The following FBN3 variants were observed in gnomAD, a reference collection of about 807,000 sequenced individuals.
FBN3 encodes the protein fibrillin-3.
FBN3 carries 234 observed loss-of-function variants against 330.1 expected under a neutral mutation model. The observed-to-expected ratio is 0.71, with a 90% CI of 0.64 to 0.79. FBN3 has a LOEUF of 0.79. Among genes scored for constraint, FBN3 ranks in the 30% least tolerant of loss-of-function variants. The probability of loss-of-function intolerance (pLI) is 0.00; values close to 1 mark genes in which losing one functional copy is unlikely to be tolerated. For missense variants in FBN3, 3,606 were observed against 3,886.9 expected, an observed-to-expected ratio of 0.93 and a Z score of 1.92; for synonymous variants, 1,458 against 1,517.3, an observed-to-expected ratio of 0.96 and a Z score of 0.91.
Position 8,147,362 on chromosome 19 carries a change from G to A in FBN3, c.119C>T (p.Ala40Val), listed in dbSNP as rs896678286. The change falls in exon 2 of 64, where the codon GCA (alanine) becomes GTA (valine). Residue 40 changes from alanine to valine, a missense_variant. Coordinates refer to ENST00000600128, the MANE Select transcript of FBN3 (RefSeq NM_032447.5). Reference sequence around the variant, plus strand: ...CCGCCTCCGCACACGTCCAGGACCTGCAGCCTCCAAGGCCCCGTCCCAGCG... The same window carrying A: ...CCGCCTCCGCACACGTCCAGGACCTACAGCCTCCAAGGCCCCGTCCCAGCG... ...QGRWDGALEA[A>V]GPGRVRRRGS... The A allele has an allele frequency of 1.2e-6, 2 of 1,602,028 alleles. No individual in the cohort carries two copies. The highest frequency in any genetic ancestry group is 2.2e-5 in the East Asian group (1 of 44,462).
At chr19:8,080,322 C>T (rs1487662602) in intron 59 of FBN3, among the ~76,000 whole-genome samples, 1 of 152,218 alleles carries the variant, frequency 6.6e-6, no homozygotes, top group Admixed American at 6.5e-5. Context: ...GGCCACGAGA[C>T]ACTAAGAAAC....
chr19:8,138,255 G>A lies in FBN3; in HGVS notation c.1087C>T (p.Leu363Phe). The A allele has an allele frequency of 1.2e-6, 2 of 1,612,064 alleles. No individual in the cohort carries two copies. The highest frequency in any genetic ancestry group is 1.1e-5 in the South Asian group (1 of 90,876). ...ATGCCATTGGATCCGAAGCCCAGGAGGCCAGGGAAGAGGCCAGGGTGGCCG... is the reference window on the plus strand; with the variant it reads ...ATGCCATTGGATCCGAAGCCCAGGAAGCCAGGGAAGAGGCCAGGGTGGCCG... The part of the protein sequence containing the change: ...LPGHPGLFPG[L>F]LGFGSNGMGP... Residue 363 changes from leucine to phenylalanine, a missense_variant, in exon 10 of 64, where the codon CTC (leucine) becomes TTC (phenylalanine). Transcript: ENST00000600128.
intron 52 of FBN3, 44 bp downstream of exon 52, chr19:8,088,016 C>A (rs760682292): frequency 6.2e-7 from 1 of 1,614,142 alleles, no homozygotes; most frequent in East Asian, 2.2e-5. Flanking sequence ...CTCCCCCAGG[C>A]ATCTCCGTCA....
Position 8,111,181 on chromosome 19 carries a change from T to C in FBN3, c.4087A>G (p.Arg1363Gly), listed in dbSNP as rs770842848. 7 of 1,592,564 alleles carry C rather than the reference T, an allele frequency of 4.4e-6. No individual in the cohort carries two copies. In the Admixed American group the frequency reaches 1.2e-4, roughly 27 times the overall value. ...FAGDGFFCEDRDECAENVDLC... is the reference protein window; with the variant it reads ...FAGDGFFCEDGDECAENVDLC... Reference sequence around the variant, plus strand: ...TCCACGTTCTCGGCACATTCATCCCTGTCTGAGGGGCCCCAAGATTCGGAG... The same window carrying C: ...TCCACGTTCTCGGCACATTCATCCCCGTCTGAGGGGCCCCAAGATTCGGAG... Residue 1363 changes from arginine to glycine, a missense_variant and splice_region_variant, in exon 33 of 64, where the codon AGG becomes GGG. Physicochemically the swap from Arg to Gly is moderately radical, Grantham distance 125. Coordinates refer to ENST00000600128, the MANE Select transcript of FBN3 (RefSeq NM_032447.5).
In FBN3 at chr19:8,111,375, C is replaced by G. The variant is rs187310551; in HGVS notation, c.4085-192G>C. 1.8e-4 allele frequency among the ~76,000 whole-genome samples: 28 copies of G among 152,124 alleles called. No homozygotes were observed. The East Asian group carries it at 5.4e-3, about 29-fold the overall frequency. ...CAGGGACAGGGAGGGGAGAGGTGGT[C>G]TGGACTCTTGGACTCCAGAGAGGGG... is the stretch of plus-strand genomic sequence containing the variant. On this transcript the variant is annotated intron_variant, in intron 32 of 63. Coordinates refer to ENST00000600128, the MANE Select transcript of FBN3 (RefSeq NM_032447.5).
At chr19:8,114,401 C>T (rs1450409373) in intron 30 of FBN3, among the ~76,000 whole-genome samples, 3 of 151,970 alleles carry the variant, frequency 2.0e-5, no homozygotes, top group Admixed American at 1.3e-4. Flanking sequence ...AGGCGTGCGC[C>T]ACCACGCCCA....
chr19:8,069,705 C>G (rs2081471799), intron 63 of FBN3, among the ~76,000 whole-genome samples: 1 of 152,188 alleles, frequency 6.6e-6, no homozygotes, highest in African/African-American at 2.4e-5. Context: ...CCCGCCTCAG[C>G]CTCCCAAGTA....
intron 49 of FBN3, 68 bp from the exon 50 acceptor site, chr19:8,090,027 G>A: frequency 1.3e-6 from 2 of 1,599,354 alleles, no homozygotes; most frequent in African/African-American, 1.3e-5. Context: ...GTGCAGGGAA[G>A]GATGAGAGAA....
chr19:8,072,617 C>G (rs960126818), intron 62 of FBN3, among the ~76,000 whole-genome samples: 1 of 152,000 alleles, frequency 6.6e-6, no homozygotes, highest in Non-Finnish European at 1.5e-5. Context: ...AGATGGCTGA[C>G]GCGTGCTTCC....
Position 8,114,891 on chromosome 19 carries a change from C to T in FBN3, c.3838+624G>A, listed in dbSNP as rs573447990. On this transcript the variant is annotated intron_variant, in intron 30 of 63. Transcript: ENST00000600128. The stretch of plus-strand genomic sequence containing the variant: ...TGAATTTACTTATTTTCTTTTGAGA[C>T]GGGGTCTCACTCTGTTGCCCAGGCT... 4.6e-5 allele frequency among the ~76,000 whole-genome samples: 7 copies of T among 152,084 alleles called. No individual in the cohort carries two copies. In the East Asian group the frequency reaches 7.7e-4, roughly 17 times the overall value.
chr19:8,140,135 C>G lies in FBN3; in HGVS notation c.866-1571G>C, dbSNP rs76984188. ...CAATCTCAGGGGACCCAACAGGCAACAGTCCCTCAAGCAAGAGAGACAGAA... is the reference window on the plus strand; with the variant it reads ...CAATCTCAGGGGACCCAACAGGCAAGAGTCCCTCAAGCAAGAGAGACAGAA... On this transcript the variant is annotated intron_variant, in intron 8 of 63. Coordinates refer to ENST00000600128, the MANE Select transcript of FBN3 (RefSeq NM_032447.5). 2.2e-3 allele frequency among the ~76,000 whole-genome samples: 338 copies of G among 152,316 alleles called. 2 individuals carry two copies. Among genetic ancestry groups the G allele is most frequent in the Non-Finnish European group, 3.1e-3 (214 of 68,032 alleles).
rs766135578 is a variant in FBN3, at chr19:8,134,975, CAT to C, written c.1591+984_1591+985del. On this transcript the variant is annotated intron_variant, in intron 13 of 63. Transcript: ENST00000600128. ...AATAAATATAAATATATATATTTTA[CAT>C]ATATATATATATATTTTTTGAAACA... is the stretch of plus-strand genomic sequence containing the variant. Among the ~76,000 whole-genome samples the C allele has an allele frequency of 1.2e-3, 179 of 147,170 alleles. 1 individual carries two copies. The highest frequency in any genetic ancestry group is 2.1e-3 in the Non-Finnish European group (142 of 66,896).
chr19:8,147,455 G>A lies in FBN3; in HGVS notation c.26C>T (p.Ala9Val). The change falls in exon 2 of 64, where the codon GCA (alanine) becomes GTA (valine). Residue 9 changes from alanine to valine, a missense_variant. Coordinates refer to ENST00000600128, the MANE Select transcript of FBN3 (RefSeq NM_032447.5). Reference sequence around the variant, plus strand: ...CAGGAGCCGGGCCAGGGGGCCCCTTGCCAAATACAGACCCTCCAGAGTCAT... The same window carrying A: ...CAGGAGCCGGGCCAGGGGGCCCCTTACCAAATACAGACCCTCCAGAGTCAT... The part of the protein sequence containing the change: MTLEGLYL[A>V]RGPLARLLLA... The A allele has an allele frequency of 6.4e-7, 1 of 1,551,390 alleles. No individual in the cohort carries two copies. Among genetic ancestry groups the A allele is most frequent in the Non-Finnish European group, 8.7e-7 (1 of 1,151,440 alleles).
rs1287163445 is a variant in FBN3 at position 8,126,349 on chromosome 19, T to C, written c.2555-2A>G. On this transcript the variant is annotated splice_acceptor_variant, in intron 20 of 63. Coordinates refer to ENST00000600128, the MANE Select transcript of FBN3 (RefSeq NM_032447.5). LOFTEE classifies it high-confidence loss of function. ...CAAAGCCCCGGGCACAGGCAGGGTCTGCAACTGGGAGAACAAGAGTGAAGA... is the reference window on the plus strand; with the variant it reads ...CAAAGCCCCGGGCACAGGCAGGGTCCGCAACTGGGAGAACAAGAGTGAAGA... 6.3e-7 allele frequency: 1 copy of C among 1,590,224 alleles called. No homozygotes were observed. Among genetic ancestry groups the C allele is most frequent in the Admixed American group, 1.9e-5 (1 of 53,714 alleles).
At chr19:8,143,718 C>T (rs981782388) in intron 6 of FBN3, among the ~76,000 whole-genome samples, 1 of 151,776 alleles carries the variant, frequency 6.6e-6, no homozygotes, top group African/African-American at 2.4e-5. Context: ...GTCTCAAACT[C>T]CTGGCCTCGA....
At chr19:8,125,499 C>T (rs2082955733) in intron 22 of FBN3, among the ~76,000 whole-genome samples, 1 of 151,868 alleles carries the variant, frequency 6.6e-6, no homozygotes, top group South Asian at 2.1e-4. Context: ...CCTGAAATCT[C>T]TCCTGTTCAG....
At chr19:8,119,122 C>A in intron 25 of FBN3, 100 bp from the exon 26 acceptor site, 1 of 1,374,588 alleles carries the variant, frequency 7.3e-7, no homozygotes, top group Non-Finnish European at 9.8e-7. Context: ...CTCCCCAGCC[C>A]CCTTCACCCC....
intron 13 of FBN3, among the ~76,000 whole-genome samples, chr19:8,134,253 A>ATAT (rs1555752690): frequency 1.3e-5 from 2 of 148,998 alleles, no homozygotes; most frequent in East Asian, 2.1e-4. Context: ...AAATAAATAA[A>ATAT]TAAATAAAAT....
chr19:8,098,870 A>C (rs2082267569), intron 41 of FBN3, among the ~76,000 whole-genome samples: 1 of 152,062 alleles, frequency 6.6e-6, no homozygotes, highest in Admixed American at 6.6e-5. Flanking sequence ...CCAAGTGTCC[A>C]TCAAAAGGAG....
Sources: allele counts gnomAD v4.1 joint callset (sites outside exome capture counted in the v4.1 genomes callset), GRCh38; gene constraint gnomAD v4.1.1; transcripts MANE v1.5; gene names NCBI Gene and HGNC (gene_info 2026-07-23, HGNC 2026-07-21).